ROCK1: variants seen among roughly 807,000 people sequenced by gnomAD.
ROCK1 encodes Rho associated coiled-coil containing protein kinase 1.
ROCK1 carries 36 observed loss-of-function variants against 196.8 expected under a neutral mutation model. The ratio of observed to expected loss-of-function variants is 0.18; its 90% CI spans 0.14 to 0.24. ROCK1 has a LOEUF of 0.24. ROCK1 is among the 10% of genes least tolerant of loss of function. The probability of loss-of-function intolerance (pLI) is 1.00; values close to 1 mark genes in which losing one functional copy is unlikely to be tolerated. For missense variants in ROCK1, 920 were observed against 1,562.0 expected (o/e 0.59, Z 6.93); for synonymous variants, 443 against 515.9 (o/e 0.86, Z 1.91).
At chr18:20,967,107 T>C (rs529852869) in intron 26 of ROCK1, 31 bp from the exon 27 acceptor site, 9 of 1,481,156 alleles carry the variant, frequency 6.1e-6, no homozygotes, top group Middle Eastern at 1.8e-4. Flanking sequence ...GATAATATAA[T>C]CAAGCTAAAA....
intron 16 of ROCK1, among the ~76,000 whole-genome samples, chr18:21,000,275 T>C (rs1175699123): frequency 6.6e-6 from 1 of 152,120 alleles, no homozygotes; most frequent in African/African-American, 2.4e-5. Context: ...TCTTTTTTTT[T>C]TTTGGAGACA....
intron 4 of ROCK1, 136 bp from the exon 5 acceptor site, chr18:21,045,603 A>C (rs961025507): frequency 1.9e-4 from 125 of 668,218 alleles, no homozygotes; most frequent in Non-Finnish European, 7.4e-5. Flanking sequence ...TCTAGTTTTA[A>C]AAAAAGACAA....
At chr18:21,021,689 C>G (rs894356637) in intron 11 of ROCK1, among the ~76,000 whole-genome samples, 1 of 152,044 alleles carries the variant, frequency 6.6e-6, no homozygotes, top group African/African-American at 2.4e-5. Flanking sequence ...TAGTATATCC[C>G]CCCTGATATT....
At chr18:21,033,884 A>AAAAAAAAAAAAAAAAAAAAAAAAC (rs2036032935) in intron 9 of ROCK1, among the ~76,000 whole-genome samples, 1 of 139,308 alleles carries the variant, frequency 7.2e-6, no homozygotes, top group Non-Finnish European at 1.6e-5. Flanking sequence ...AAAAAAAAAA[A>AAAAAAAAAAAAAAAAAAAAAAAAC]TTAGCCGGGT....
intron 27 of ROCK1, among the ~76,000 whole-genome samples, chr18:20,963,365 A>G (rs1231212940): frequency 6.6e-6 from 1 of 152,168 alleles, no homozygotes; most frequent in African/African-American, 2.4e-5. Flanking sequence ...TGCTTAAGAA[A>G]CAGGGCTAAA....
At chr18:21,105,753 C>T (rs1238992311) in intron 1 of ROCK1, among the ~76,000 whole-genome samples, 3 of 152,022 alleles carry the variant, frequency 2.0e-5, no homozygotes, top group Non-Finnish European at 4.4e-5. Flanking sequence ...AGTAGAAATG[C>T]TTACAAGGCA....
intron 24 of ROCK1, 23 bp downstream of exon 24, chr18:20,969,092 G>A: frequency 1.4e-6 from 2 of 1,448,364 alleles, no homozygotes; most frequent in East Asian, 2.3e-5. Flanking sequence ...TTAACATGAT[G>A]ATTTTTTAAA....
intron 3 of ROCK1, among the ~76,000 whole-genome samples, 193 bp from the exon 4 acceptor site, chr18:21,049,422 T>G (rs1238136756): frequency 6.6e-6 from 1 of 152,224 alleles, no homozygotes; most frequent in Non-Finnish European, 1.5e-5. Context: ...TCAGAAGTAA[T>G]GTTTTAAAAA....
intron 1 of ROCK1, among the ~76,000 whole-genome samples, chr18:21,078,439 CAGAT>C (rs1317517079): frequency 1.3e-5 from 2 of 150,396 alleles, no homozygotes; most frequent in Non-Finnish European, 2.9e-5. Context: ...TTATTTTAGG[CAGAT>C]AGAGAGGAAA....
chr18:21,073,847 A>G (rs2036407882), intron 1 of ROCK1, among the ~76,000 whole-genome samples: 1 of 152,244 alleles, frequency 6.6e-6, no homozygotes, highest in South Asian at 2.1e-4. Context: ...ATGTAGTAGA[A>G]TGTTGTTTTA....
At chr18:20,979,717 C>T (rs544306739) in intron 22 of ROCK1, among the ~76,000 whole-genome samples, 193 bp downstream of exon 22, 1 of 152,228 alleles carries the variant, frequency 6.6e-6, no homozygotes, top group East Asian at 1.9e-4. Flanking sequence ...GCAATTGGTA[C>T]AGTGTTGATT....
rs189330647 is a variant in ROCK1 at position 21,017,604 on chromosome 18, T to C, written c.1362-2125A>G. 4.4e-4 allele frequency among the ~76,000 whole-genome samples: 67 copies of C among 152,330 alleles called. 2 individuals are homozygous for C. The highest frequency in any genetic ancestry group is 9.1e-4 in the Admixed American group (14 of 15,306). Reference sequence around the variant, plus strand: ...CTATATTGTTGACAAGCACATTATATGACACTTTAACTGAAATTTTTATTG... The same window carrying C: ...CTATATTGTTGACAAGCACATTATACGACACTTTAACTGAAATTTTTATTG... On this transcript the variant is annotated intron_variant, in intron 12 of 32. Transcript: ENST00000399799.
chr18:20,991,806 T>TAA (rs2143409040), intron 17 of ROCK1, among the ~76,000 whole-genome samples: 1 of 152,132 alleles, frequency 6.6e-6, no homozygotes, highest in South Asian at 2.1e-4. Context: ...GGCTAATTTT[T>TAA]AAGCATTTTT....
Position 20,960,206 on chromosome 18 carries a change from T to C in ROCK1, c.3353A>G (p.Glu1118Gly). The change falls in exon 28 of 33, where the codon GAG becomes GGG. Residue 1118 changes from glutamate to glycine, a missense_variant and splice_region_variant. By Grantham distance (98) the Glu-to-Gly change is moderately conservative. Around this residue, in one of 6 missense-constraint regions of ROCK1, gnomAD observed 116 missense variants for 204.2 expected, o/e 0.57. Transcript: ENST00000399799. The part of the protein sequence containing the change: ...SADETDGNLP[E>G]SRIEGWLSVP... Reference sequence around the variant, plus strand: ...TGAAAGCCAACCTTCAATTCTTGACTCTAGGAGAAAAAGAATATATGTATT... The same window carrying C: ...TGAAAGCCAACCTTCAATTCTTGACCCTAGGAGAAAAAGAATATATGTATT... 6.4e-7 allele frequency: 1 copy of C among 1,558,282 alleles called. No homozygotes were observed. Among genetic ancestry groups the C allele is most frequent in the Non-Finnish European group, 8.9e-7 (1 of 1,129,570 alleles).
In ROCK1 at chr18:21,006,536, C is replaced by G; in HGVS notation, c.1700G>C (p.Ser567Thr). Residue 567 changes from serine to threonine, a missense_variant, in exon 16 of 33, where the codon AGT becomes ACT. By Grantham distance (58) the Ser-to-Thr change is moderately conservative (BLOSUM62 1). Transcript: ENST00000399799. The part of the protein sequence containing the change: ...ESDTAVRLRK[S>T]HTEMSKSISQ... ...AATTGACTTGCTCATCTCTGTGTGACTCTTCCTCAATCTTACAGCTGTGTC... is the reference window on the plus strand; with the variant it reads ...AATTGACTTGCTCATCTCTGTGTGAGTCTTCCTCAATCTTACAGCTGTGTC... 2 of 1,613,834 alleles carry G rather than the reference C, an allele frequency of 1.2e-6. No homozygotes were observed. Among genetic ancestry groups the G allele is most frequent in the Non-Finnish European group, 1.7e-6 (2 of 1,179,952 alleles).
intron 26 of ROCK1, 82 bp from the exon 27 acceptor site, chr18:20,967,158 T>C: frequency 1.1e-6 from 1 of 946,782 alleles, no homozygotes. Flanking sequence ...TAATTTAAAT[T>C]GCTAATACTA....
At position 21,020,299 on chromosome 18, in the gene ROCK1, T is replaced by C. The variant is rs113938785; in HGVS notation, c.1273-60A>G. The C allele has an allele frequency of 1.2e-5, 10 of 844,834 alleles. No individual in the cohort carries two copies. The Admixed American group carries it at 1.7e-4, about 15-fold the overall frequency. 52.3% of individuals were successfully genotyped at this position (844,834 alleles called of 1,614,324 possible). ...CTAAGAATATTTAGACATTTAAAAA[T>C]ATCAAGTCTATGTTAATATTTTAAA... On this transcript the variant is annotated intron_variant, in intron 11 of 32. Coordinates refer to ENST00000399799, the MANE Select transcript of ROCK1 (RefSeq NM_005406.3).
intron 1 of ROCK1, among the ~76,000 whole-genome samples, chr18:21,107,226 C>G (rs1276818003): frequency 6.6e-6 from 1 of 152,190 alleles, no homozygotes; most frequent in Non-Finnish European, 1.5e-5. Context: ...AGATTTTGAG[C>G]ACTTCAAATT....
chr18:21,010,868 G>C (rs1010206235), intron 13 of ROCK1, among the ~76,000 whole-genome samples: 1 of 152,102 alleles, frequency 6.6e-6, no homozygotes, highest in African/African-American at 2.4e-5. Flanking sequence ...CTGTTGTTTG[G>C]TGTACAGTTA....
Sources: allele counts gnomAD v4.1 joint callset (sites outside exome capture counted in the v4.1 genomes callset), GRCh38; gene constraint gnomAD v4.1.1; regional missense constraint gnomAD v4.1.1; transcripts MANE v1.5; gene names NCBI Gene and HGNC (gene_info 2026-07-23, HGNC 2026-07-21).